COPG2: variants seen among roughly 807,000 people sequenced by gnomAD.
The protein encoded by COPG2 is coat protein complex I subunit gamma 2.
COPG2 carries 37 observed loss-of-function variants against 46.3 expected under a neutral mutation model. That is an observed-to-expected ratio of 0.80 (90% CI 0.61 to 1.05). The LOEUF (loss-of-function observed/expected upper bound fraction) is 1.05. Ranked by LOEUF, COPG2 falls within the 50% of genes least tolerant of loss-of-function variation. COPG2 has a pLI of 0.00. For synonymous variants in COPG2, 159 were observed against 129.7 expected, an observed-to-expected ratio of 1.23 and a Z score of -1.53; for missense variants, 427 against 387.8, an observed-to-expected ratio of 1.10 and a Z score of -0.85.
chr7:130,517,595 G>C (rs1444766968), intron 20 of COPG2, among the ~76,000 whole-genome samples: 1 of 152,192 alleles, frequency 6.6e-6, no homozygotes, highest in Non-Finnish European at 1.5e-5. Flanking sequence ...ATTTAGGGAG[G>C]GTGGGTGAGT....
chr7:130,613,949 G>A (rs1794902322), intron 6 of COPG2, among the ~76,000 whole-genome samples: 1 of 152,160 alleles, frequency 6.6e-6, no homozygotes, highest in Non-Finnish European at 1.5e-5. Context: ...AACCCATCAG[G>A]AAAGTCATAA....
At chr7:130,529,687 G>T (rs1161009928) in intron 20 of COPG2, among the ~76,000 whole-genome samples, 1 of 152,090 alleles carries the variant, frequency 6.6e-6, no homozygotes, top group Non-Finnish European at 1.5e-5. Context: ...AAAGGAAGCT[G>T]GTCAGCACTG....
At chr7:130,668,407 C>G (rs1216807328) in intron 1 of COPG2, among the ~76,000 whole-genome samples, 1 of 148,594 alleles carries the variant, frequency 6.7e-6, no homozygotes, top group Non-Finnish European at 1.5e-5. Context: ...CGCGCGGGCG[C>G]CGGGGCGGGA....
At chr7:130,609,887 C>T (rs1794809059) in intron 9 of COPG2, among the ~76,000 whole-genome samples, 1 of 152,152 alleles carries the variant, frequency 6.6e-6, no homozygotes, top group Non-Finnish European at 1.5e-5. Context: ...CCCATTTACA[C>T]ATTTTGTCCA....
In COPG2 at chr7:130,666,872, T is replaced by G. The variant is rs1796091404; in HGVS notation, c.148A>C (p.Lys50Gln). 3.2e-6 allele frequency: 5 copies of G among 1,542,858 alleles called. No individual in the cohort carries two copies. The highest frequency in any genetic ancestry group is 1.8e-5 in the Admixed American group (1 of 56,670). The stretch of plus-strand genomic sequence containing the variant: ...ACCTGGTTCAGTAAGTAAAGAATCT[T>G]TGTAAGAATATGCAAACATCTTCTT... ...NPRRCLHILT[K>Q]ILYLLNQGEH... The change falls in exon 3 of 24, where the codon AAG becomes CAG. Residue 50 changes from lysine (K) to glutamine (Q), a missense_variant. Physicochemically the swap from Lys to Gln is moderately conservative, Grantham distance 53. Transcript: ENST00000425248.
rs1305855404 is a variant in COPG2, at chr7:130,580,279, G to C, written c.738-15886C>G. Among the ~76,000 whole-genome samples, 16 of 149,440 alleles carry C rather than the reference G, an allele frequency of 1.1e-4. No individual in the cohort carries two copies. The East Asian group carries it at 3.2e-3, about 29-fold the overall frequency. On this transcript the variant is annotated intron_variant, in intron 9 of 23. Coordinates refer to ENST00000425248, the MANE Select transcript of COPG2 (RefSeq NM_012133.6). Reference sequence around the variant, plus strand: ...ATAACGAAATGAAGGCAGAAATAAAGATGTTCTTTGAAACCAACGAGAACA... The same window carrying C: ...ATAACGAAATGAAGGCAGAAATAAACATGTTCTTTGAAACCAACGAGAACA...
In COPG2 at chr7:130,617,030, T is replaced by C; in HGVS notation, c.359A>G (p.Tyr120Cys). 2 of 1,611,392 alleles carry C rather than the reference T, an allele frequency of 1.2e-6. No individual in the cohort carries two copies. Among genetic ancestry groups the C allele is most frequent in the Non-Finnish European group, 1.7e-6 (2 of 1,178,278 alleles). The change falls in exon 6 of 24, where the codon TAC (tyrosine) becomes TGC (cysteine). Residue 120 changes from tyrosine to cysteine, a missense_variant. Tyr to Cys is a radical substitution (Grantham distance 194). Coordinates refer to ENST00000425248, the MANE Select transcript of COPG2 (RefSeq NM_012133.6). ...TKDMTGKEDV[Y>C]RGPAIRALCR... Reference sequence around the variant, plus strand: ...GAGAGCTCTGATGGCCGGGCCTCGGTATACATCTTCTTTTCCAGTCATGTC... The same window carrying C: ...GAGAGCTCTGATGGCCGGGCCTCGGCATACATCTTCTTTTCCAGTCATGTC...
chr7:130,664,843 A>G (rs1796042608), intron 3 of COPG2, among the ~76,000 whole-genome samples: 1 of 152,206 alleles, frequency 6.6e-6, no homozygotes, highest in Non-Finnish European at 1.5e-5. Context: ...ATGCTGACAC[A>G]GAGGGATTAT....
intron 9 of COPG2, among the ~76,000 whole-genome samples, chr7:130,569,756 AAAG>A (rs1793863912): frequency 6.6e-6 from 1 of 152,174 alleles, no homozygotes; most frequent in Non-Finnish European, 1.5e-5. Flanking sequence ...CATAACAAAA[AAAG>A]AAAACTACAG....
At chr7:130,663,254 C>T (rs981643370) in intron 3 of COPG2, among the ~76,000 whole-genome samples, 3 of 152,112 alleles carry the variant, frequency 2.0e-5, no homozygotes, top group African/African-American at 4.8e-5. Context: ...AATTCAGTAT[C>T]GCATACCATG....
intron 20 of COPG2, among the ~76,000 whole-genome samples, chr7:130,544,704 T>C (rs1349697382): frequency 6.6e-6 from 1 of 152,144 alleles, no homozygotes; most frequent in African/African-American, 2.4e-5. Flanking sequence ...GTGCAATAAA[T>C]ATTCAGGGGA....
At chr7:130,610,890 A>C (rs1554451952) in intron 9 of COPG2, 63 bp downstream of exon 9, 1 of 1,545,246 alleles carries the variant, frequency 6.5e-7, no homozygotes, top group Admixed American at 1.7e-5. Flanking sequence ...AAAAGGAAAT[A>C]AACTCTAAGG....
chr7:130,667,458 G>A (rs182877840), intron 2 of COPG2, 24 bp downstream of exon 2: 27 of 1,604,438 alleles, frequency 1.7e-5, no homozygotes, highest in Non-Finnish European at 2.3e-5. Context: ...AAAAGAAAGG[G>A]CACAAGATAC....
intron 8 of COPG2, among the ~76,000 whole-genome samples, chr7:130,611,408 C>T (rs1484919690): frequency 3.9e-5 from 6 of 152,190 alleles, no homozygotes; most frequent in Admixed American, 2.0e-4. Flanking sequence ...CACACGCTCT[C>T]GGGTCCAGGG....
chr7:130,549,276 G>A (rs975778784), intron 18 of COPG2, 38 bp downstream of exon 18: 4 of 398,286 alleles, frequency 1.0e-5, no homozygotes, highest in African/African-American at 2.1e-5. Flanking sequence ...CAATGCCTAG[G>A]GGAAAGATTA....
intron 9 of COPG2, among the ~76,000 whole-genome samples, chr7:130,589,802 A>C (rs1268751348): frequency 6.6e-6 from 1 of 152,094 alleles, no homozygotes; most frequent in Non-Finnish European, 1.5e-5. Context: ...ATTTTTGTTT[A>C]TTGGCAGGTG....
At chr7:130,622,738 C>G (rs1795060290) in intron 5 of COPG2, among the ~76,000 whole-genome samples, 1 of 152,270 alleles carries the variant, frequency 6.6e-6, no homozygotes, top group South Asian at 2.1e-4. Flanking sequence ...CTGGTTTTGG[C>G]TACTTCTCCA....
intron 20 of COPG2, among the ~76,000 whole-genome samples, chr7:130,516,733 TAAGGTAAG>T (rs1221024094): frequency 1.3e-5 from 2 of 151,740 alleles, no homozygotes; most frequent in Admixed American, 6.6e-5. Flanking sequence ...AAGGAGAGAG[TAAGGTAAG>T]AAGGTGGCAA....
chr7:130,602,266 T>C (rs1484995303), intron 9 of COPG2, among the ~76,000 whole-genome samples: 4 of 152,218 alleles, frequency 2.6e-5, no homozygotes, highest in Admixed American at 2.0e-4. Flanking sequence ...TTTTTCCTTA[T>C]CAATTTTCAA....
Sources: gnomAD v4.1 joint callset for allele counts (sites outside exome capture counted in the v4.1 genomes callset) on GRCh38, gnomAD v4.1.1 for gene constraint, MANE v1.5 for transcripts, NCBI Gene and HGNC (gene_info 2026-07-23, HGNC 2026-07-21) for gene names.